GUCY2D: variants seen among roughly 807,000 people sequenced by gnomAD.
GUCY2D encodes guanylate cyclase 2D, retinal.
A neutral mutation model predicts 101.3 loss-of-function variants in GUCY2D; 70 were observed. The observed-to-expected ratio is 0.69, with a 90% CI of 0.57 to 0.84. The LOEUF (loss-of-function observed/expected upper bound fraction) is 0.84, where lower values mean the gene tolerates loss of function less well. GUCY2D is among the 40% of genes least tolerant of loss of function. The pLI is 0.00. For synonymous variants in GUCY2D, 688 were observed against 670.7 expected (o/e 1.03, Z -0.40); for missense variants, 1,460 against 1,542.5 (o/e 0.95, Z 0.90).
At chr17:8,009,876 G>T (rs1263198726) in intron 8 of GUCY2D, among the ~76,000 whole-genome samples, 1 of 151,984 alleles carries the variant, frequency 6.6e-6, no homozygotes, top group Non-Finnish European at 1.5e-5. Flanking sequence ...CTCTTCAGAG[G>T]GTGAGGAGGG....
At chr17:8,006,268 AACAGTGGATACCCTGGGCTTG>A (rs1975735116) in intron 3 of GUCY2D, 74 bp from the exon 4 acceptor site, 1 of 915,438 alleles carries the variant, frequency 1.1e-6, no homozygotes, top group Admixed American at 1.9e-5. Context: ...GGAAGGTGGC[AACAGTGGATACCCTGGGCTTG>A]ACAGGCAGTG....
Position 8,002,743 on chromosome 17 carries a change from C to T in GUCY2D, c.-10+9C>T. ...AGCCCCCGGACTTCCCTGTAAATGTCAGAGGCCCCTCCGCTGGGATAGGGT... is the reference window on the plus strand; with the variant it reads ...AGCCCCCGGACTTCCCTGTAAATGTTAGAGGCCCCTCCGCTGGGATAGGGT... On this transcript the variant is annotated intron_variant, in intron 1 of 19. Transcript: ENST00000254854. The surrounding 1 kb of genome is among the most constrained non-coding windows in gnomAD (Gnocchi z 4.9). 1 of 365,654 alleles carries T rather than the reference C, an allele frequency of 2.7e-6. No homozygotes were observed. The highest frequency in any genetic ancestry group is 5.4e-5 in the South Asian group (1 of 18,604). 22.7% of individuals were successfully genotyped at this position (365,654 alleles called of 1,614,324 possible).
chr17:8,015,102 G>A lies in GUCY2D; in HGVS notation c.2769+51G>A, dbSNP rs563853837. The A allele has an allele frequency of 9.3e-6, 14 of 1,506,284 alleles. No individual in the cohort carries two copies. In the East Asian group the frequency reaches 3.2e-4, roughly 34 times the overall value. The allele number at this position is 1,506,284 out of a possible 1,614,324, so 93.3% of individuals were successfully genotyped here. On this transcript the variant is annotated intron_variant, in intron 14 of 19. Coordinates refer to ENST00000254854, the MANE Select transcript of GUCY2D (RefSeq NM_000180.4). Reference sequence around the variant, plus strand: ...CCTGACCTTCAATTCAGCTTCACCAGCCTCCAGCCCAGCCCTTCCTGCGCA... The same window carrying A: ...CCTGACCTTCAATTCAGCTTCACCAACCTCCAGCCCAGCCCTTCCTGCGCA...
Position 8,012,480 on chromosome 17 carries a change from G to T in GUCY2D, c.1987G>T (p.Ala663Ser). 6.2e-7 allele frequency: 1 copy of T among 1,614,070 alleles called. No individual in the cohort carries two copies. The highest frequency in any genetic ancestry group is 1.1e-5 in the South Asian group (1 of 91,080). The change falls in exon 10 of 20, where the codon GCT becomes TCT. Residue 663 changes from alanine to serine, a missense_variant. Ala to Ser is a moderately conservative substitution (Grantham distance 99, BLOSUM62 1). Around this residue, in one of 3 missense-constraint regions of GUCY2D, gnomAD observed 1,196 missense variants for 1,229.6 expected, o/e 0.97. Transcript: ENST00000254854. ...AAGGTATCTGCACCATCGAGGCGTG[G>T]CTCATGGGCGGCTGAAGTCACGGAA... is the stretch of plus-strand genomic sequence containing the variant. ...GIRYLHHRGV[A>S]HGRLKSRNCI...
chr17:8,018,337 T>C (rs947695038), intron 19 of GUCY2D, among the ~76,000 whole-genome samples: 6 of 152,138 alleles, frequency 3.9e-5, no homozygotes, highest in Non-Finnish European at 2.9e-5. Context: ...ATGAAGGATC[T>C]CAGGGCCCCA....
intron 19 of GUCY2D, among the ~76,000 whole-genome samples, chr17:8,017,343 A>G (rs1315832684): frequency 6.6e-6 from 1 of 152,140 alleles, no homozygotes; most frequent in African/African-American, 2.4e-5. Flanking sequence ...TCCGCTTCCC[A>G]GTGTCTCTCA....
chr17:8,016,272 C>T lies in GUCY2D; in HGVS notation c.3206C>T (p.Pro1069Leu). The change falls in exon 18 of 20, where the codon CCG (proline) becomes CTG (leucine). Residue 1069 changes from proline to leucine, a missense_variant. Coordinates refer to ENST00000254854, the MANE Select transcript of GUCY2D (RefSeq NM_000180.4). ...GGCTTCAACAAGCCCATCCCCAAAC[C>T]GCCTGACCTGCAACCGGGGTGAGGG... ...RRGFNKPIPKPPDLQPGSSNH... is the reference protein window; with the variant it reads ...RRGFNKPIPKLPDLQPGSSNH... 3.8e-6 allele frequency: 6 copies of T among 1,576,222 alleles called. No individual in the cohort carries two copies. The highest frequency in any genetic ancestry group is 1.3e-5 in the African/African-American group (1 of 74,556).
chr17:8,003,592 C>T lies in GUCY2D; in HGVS notation c.545C>T (p.Ala182Val), dbSNP rs1975678308. Residue 182 changes from alanine to valine, a missense_variant, in exon 2 of 20, where the codon GCG (alanine) becomes GTG (valine). By Grantham distance (64) the Ala-to-Val change is moderately conservative (BLOSUM62 0). Coordinates refer to ENST00000254854, the MANE Select transcript of GUCY2D (RefSeq NM_000180.4). ...GCCCTGCTTCGCGCATTCGGCTGGG[C>T]GCGCGTGGCCCTGGTCACCGCCCCC... is the stretch of plus-strand genomic sequence containing the variant. Reference protein sequence around the residue: ...LYALLRAFGWARVALVTAPQD... With the variant: ...LYALLRAFGWVRVALVTAPQD... 6.3e-7 allele frequency: 1 copy of T among 1,585,394 alleles called. No homozygotes were observed. Among genetic ancestry groups the T allele is most frequent in the South Asian group, 1.1e-5 (1 of 89,392 alleles).
chr17:8,004,248 C>A, intron 3 of GUCY2D, 92 bp downstream of exon 3: 1 of 1,159,550 alleles, frequency 8.6e-7, no homozygotes. Flanking sequence ...GGAGAAAGAA[C>A]CACTGGCAGC....
intron 18 of GUCY2D, 39 bp downstream of exon 18, chr17:8,016,329 G>A: frequency 6.8e-7 from 1 of 1,471,426 alleles, no homozygotes; most frequent in Non-Finnish European, 9.3e-7. Flanking sequence ...AGGGACGAGG[G>A]ACCCCTGCCT....
rs1036028583 is a variant in GUCY2D at position 8,006,564 on chromosome 17, G to A, written c.1228G>A (p.Ala410Thr). ...PPFVLLDTDA[A>T]GDRLFATYML... is the part of the protein sequence containing the mutation. ...ATTCGTGCTGCTAGACACGGACGCG[G>A]CGGGAGACCGGCTTTTTGCCACATA... The change falls in exon 4 of 20, where the codon GCG (alanine) becomes ACG (threonine). Residue 410 changes from alanine (A) to threonine (T), a missense_variant. Transcript: ENST00000254854. The A allele has an allele frequency of 1.9e-6, 3 of 1,613,416 alleles. No individual in the cohort carries two copies. The highest frequency in any genetic ancestry group is 2.5e-6 in the Non-Finnish European group (3 of 1,180,028).
At chr17:8,010,799 A>T (rs1975835975) in intron 8 of GUCY2D, among the ~76,000 whole-genome samples, 1 of 135,840 alleles carries the variant, frequency 7.4e-6, no homozygotes, top group Non-Finnish European at 1.6e-5. Context: ...ACAGAGCAAG[A>T]TTCCGTCTCA....
In GUCY2D at chr17:8,007,944, G is replaced by A. The variant is rs1170982522; in HGVS notation, c.1580G>A (p.Ser527Asn). The change falls in exon 7 of 20, where the codon AGT becomes AAT. Residue 527 changes from serine (S) to asparagine (N), a missense_variant. Physicochemically the swap from Ser to Asn is conservative, Grantham distance 46 (BLOSUM62 1). Around this residue, in one of 3 missense-constraint regions of GUCY2D, gnomAD observed 1,196 missense variants for 1,229.6 expected, o/e 0.97. Coordinates refer to ENST00000254854, the MANE Select transcript of GUCY2D (RefSeq NM_000180.4). Reference sequence around the variant, plus strand: ...TCTACCTGCTAGGTGGCCCAGGGGAGTCGATCAAGTCTGGGTGCCCGCAGC... The same window carrying A: ...TCTACCTGCTAGGTGGCCCAGGGGAATCGATCAAGTCTGGGTGCCCGCAGC... ...GGTSRKVAQG[S>N]RSSLGARSMS... 1 of 1,612,222 alleles carries A rather than the reference G, an allele frequency of 6.2e-7. No individual in the cohort carries two copies. Among genetic ancestry groups the A allele is most frequent in the Admixed American group, 1.7e-5 (1 of 60,014 alleles).
intron 19 of GUCY2D, among the ~76,000 whole-genome samples, chr17:8,019,232 C>A (rs1288471474): frequency 6.6e-6 from 1 of 152,070 alleles, no homozygotes; most frequent in African/African-American, 2.4e-5. Flanking sequence ...CCGTACCCGA[C>A]CCTGCAGCCC....
chr17:8,016,075 C>G, intron 17 of GUCY2D, 54 bp downstream of exon 17: 1 of 1,487,316 alleles, frequency 6.7e-7, no homozygotes, highest in Non-Finnish European at 9.2e-7. Flanking sequence ...TGAGGCACCG[C>G]CCATCCCGGG....
chr17:8,015,011 C>A lies in GUCY2D; in HGVS notation c.2729C>A (p.Thr910Lys). 6.2e-7 allele frequency: 1 copy of A among 1,614,056 alleles called. No individual in the cohort carries two copies. Among genetic ancestry groups the A allele is most frequent in the Non-Finnish European group, 8.5e-7 (1 of 1,179,982 alleles). ...GTGGACCTGCTCAACGATCTCTACA[C>A]ACTCTTTGATGCCATCATTGGTTCC... Reference protein sequence around the residue: ...EVVDLLNDLYTLFDAIIGSHD... With the variant: ...EVVDLLNDLYKLFDAIIGSHD... The change falls in exon 14 of 20, where the codon ACA (threonine) becomes AAA (lysine). Residue 910 changes from threonine to lysine, a missense_variant. Coordinates refer to ENST00000254854, the MANE Select transcript of GUCY2D (RefSeq NM_000180.4).
rs1220622412 is a variant in GUCY2D at position 8,015,084 on chromosome 17, T to G, written c.2769+33T>G. ...GTGTAGGGGACAAGCCCTCCTGACC[T>G]TCAATTCAGCTTCACCAGCCTCCAG... On this transcript the variant is annotated intron_variant, in intron 14 of 19. Coordinates refer to ENST00000254854, the MANE Select transcript of GUCY2D (RefSeq NM_000180.4). 3 of 1,578,048 alleles carry G rather than the reference T, an allele frequency of 1.9e-6. No individual in the cohort carries two copies. In the African/African-American group the frequency reaches 4.0e-5, roughly 21 times the overall value.
intron 14 of GUCY2D, 46 bp downstream of exon 14, chr17:8,015,097 C>T (rs1368237756): frequency 2.6e-6 from 4 of 1,520,290 alleles, no homozygotes; most frequent in Non-Finnish European, 3.6e-6. Flanking sequence ...AATTCAGCTT[C>T]ACCAGCCTCC....
rs73978654 is a variant in GUCY2D at position 8,016,657 on chromosome 17, C to A, written c.*24+103C>A. 5.9e-3 allele frequency: 3,794 copies of A among 644,114 alleles called. 90 individuals carry two copies. The highest frequency in any genetic ancestry group is 0.055 in the African/African-American group (3,037 of 54,976). 39.9% of individuals were successfully genotyped at this position (644,114 alleles called of 1,614,324 possible). A position where few individuals can be genotyped will look rare whatever the true frequency, so the allele number is the denominator to read the frequency against. On this transcript the variant is annotated intron_variant, in intron 19 of 19. Coordinates refer to ENST00000254854, the MANE Select transcript of GUCY2D (RefSeq NM_000180.4). ...CCCGATCCCTTTCTGACTTAGAGAG[C>A]CCAGGCTGGTTCCTAAACCCCGGGG...
Sources: allele counts gnomAD v4.1 joint callset (sites outside exome capture counted in the v4.1 genomes callset), GRCh38; gene constraint gnomAD v4.1.1; regional missense constraint gnomAD v4.1.1; non-coding constraint Gnocchi (gnomAD v3.1); transcripts MANE v1.5; gene names NCBI Gene and HGNC (gene_info 2026-07-23, HGNC 2026-07-21).